ADARB2: variants seen among roughly 807,000 people sequenced by gnomAD.
The protein encoded by ADARB2 is inactive double-stranded RNA-specific editase B2.
A neutral mutation model predicts 62.2 loss-of-function variants in ADARB2; 25 were observed. The observed-to-expected ratio is 0.40, with a 90% CI of 0.29 to 0.56. ADARB2 has a LOEUF of 0.56. ADARB2 is among the 20% of genes least tolerant of loss of function. The pLI, the probability that ADARB2 is intolerant of heterozygous loss-of-function variation, is 0.43. For missense variants in ADARB2, 1,071 were observed against 1,077.4 expected, an observed-to-expected ratio of 0.99 and a Z score of 0.08; for synonymous variants, 572 against 500.8, an observed-to-expected ratio of 1.14 and a Z score of -1.90.
chr10:1,637,005 T>C (rs190291008), intron 1 of ADARB2, among the ~76,000 whole-genome samples: 4 of 152,034 alleles, frequency 2.6e-5, no homozygotes, highest in Non-Finnish European at 4.4e-5. Context: ...AATAACAGTC[T>C]TTCTTTTTTT....
intron 6 of ADARB2, among the ~76,000 whole-genome samples, chr10:1,220,114 ATGG>A (rs1275566688): frequency 2.6e-5 from 3 of 113,924 alleles, no homozygotes; most frequent in Non-Finnish European, 5.4e-5. Flanking sequence ...GGTGGTGATG[ATGG>A]TGATGATGGT....
At chr10:1,230,412 T>C (rs113744841) in intron 6 of ADARB2, among the ~76,000 whole-genome samples, 121 of 152,302 alleles carry the variant, frequency 7.9e-4, no homozygotes, top group African/African-American at 2.6e-3. Context: ...GACACTGCCC[T>C]TGGCTAGCCC....
chr10:1,317,120 A>T (rs187653598), intron 3 of ADARB2, among the ~76,000 whole-genome samples: 1 of 152,276 alleles, frequency 6.6e-6, no homozygotes, highest in East Asian at 1.9e-4. Context: ...CCCTTCCTGT[A>T]TGTTTTTGCT....
intron 5 of ADARB2, among the ~76,000 whole-genome samples, chr10:1,234,771 G>C (rs1302260381): frequency 1.3e-5 from 1 of 76,364 alleles, no homozygotes; most frequent in Non-Finnish European, 2.5e-5. Flanking sequence ...TTTTTTTTGT[G>C]ACGGAGTCTT....
At chr10:1,691,915 G>C (rs1176021584) in intron 1 of ADARB2, among the ~76,000 whole-genome samples, 1 of 152,118 alleles carries the variant, frequency 6.6e-6, no homozygotes, top group Non-Finnish European at 1.5e-5. Context: ...GTGTGTGTGT[G>C]TGTGTGCACG....
At chr10:1,297,068 A>G (rs1831529890) in intron 3 of ADARB2, among the ~76,000 whole-genome samples, 1 of 152,256 alleles carries the variant, frequency 6.6e-6, no homozygotes, top group Non-Finnish European at 1.5e-5. Context: ...CCTGGATTCA[A>G]TAGTATCCTC....
chr10:1,265,965 C>T (rs926997845), intron 4 of ADARB2, among the ~76,000 whole-genome samples: 10 of 132,094 alleles, frequency 7.6e-5, no homozygotes, highest in East Asian at 2.4e-4. Flanking sequence ...GGCCCAGACT[C>T]TCCCGGAAGA....
At chr10:1,298,580 AG>A (rs983897378) in intron 3 of ADARB2, among the ~76,000 whole-genome samples, 3 of 152,190 alleles carry the variant, frequency 2.0e-5, no homozygotes, top group Admixed American at 6.5e-5. Context: ...GAGGCAAGGA[AG>A]GGCCTCTTTT....
At chr10:1,722,139 C>T (rs1835101088) in intron 1 of ADARB2, among the ~76,000 whole-genome samples, 2 of 151,842 alleles carry the variant, frequency 1.3e-5, no homozygotes, top group Non-Finnish European at 2.9e-5. Flanking sequence ...TCACTGTAAA[C>T]CCTTCGTTAC....
intron 1 of ADARB2, among the ~76,000 whole-genome samples, chr10:1,723,259 C>T (rs1267720803): frequency 6.6e-6 from 1 of 152,224 alleles, no homozygotes; most frequent in Non-Finnish European, 1.5e-5. Flanking sequence ...TGGCGATTCG[C>T]TCTACATTGC....
At chr10:1,326,750 C>T (rs1251996428) in intron 3 of ADARB2, among the ~76,000 whole-genome samples, 6 of 151,046 alleles carry the variant, frequency 4.0e-5, no homozygotes, top group Admixed American at 6.6e-5. Flanking sequence ...CGCCTCCCGA[C>T]GGCACGGCGC....
intron 3 of ADARB2, among the ~76,000 whole-genome samples, chr10:1,359,852 C>A (rs1334770147): frequency 1.3e-5 from 2 of 152,270 alleles, no homozygotes; most frequent in African/African-American, 4.8e-5. Context: ...CCTTGAGAAC[C>A]TACTGGGTTC....
intron 2 of ADARB2, among the ~76,000 whole-genome samples, chr10:1,375,902 A>G (rs1371960687): frequency 6.6e-6 from 1 of 150,398 alleles, no homozygotes; most frequent in African/African-American, 2.5e-5. Flanking sequence ...ACACACGTGC[A>G]CATACCACAC....
intron 1 of ADARB2, among the ~76,000 whole-genome samples, chr10:1,553,633 C>G (rs1174325463): frequency 6.6e-6 from 1 of 152,324 alleles, no homozygotes. Context: ...GGCTTCTTCT[C>G]TGTTTGATTT....
intron 5 of ADARB2, among the ~76,000 whole-genome samples, chr10:1,234,291 C>T (rs932933736): frequency 6.6e-6 from 1 of 151,656 alleles, no homozygotes; most frequent in African/African-American, 2.4e-5. Context: ...GCCTGGCCCC[C>T]AAGTTTCTCC....
chr10:1,314,813 C>G (rs1185359438), intron 3 of ADARB2, among the ~76,000 whole-genome samples: 2 of 152,182 alleles, frequency 1.3e-5, no homozygotes, highest in Non-Finnish European at 2.9e-5. Context: ...AGGAACATGG[C>G]CTCGGATGCC....
At chr10:1,557,204 A>G (rs913753051) in intron 1 of ADARB2, among the ~76,000 whole-genome samples, 1 of 148,360 alleles carries the variant, frequency 6.7e-6, no homozygotes, top group African/African-American at 2.5e-5. Context: ...CACTGTGTCC[A>G]GTCCATGGTG....
chr10:1,709,061 T>C (rs1265018929), intron 1 of ADARB2, among the ~76,000 whole-genome samples: 2 of 152,188 alleles, frequency 1.3e-5, no homozygotes, highest in African/African-American at 4.8e-5. Flanking sequence ...GCCTCCATGC[T>C]GACCCCATTG....
At chr10:1,678,026 C>A (rs1834488595) in intron 1 of ADARB2, 1 of 319,194 alleles carries the variant, frequency 3.1e-6, no homozygotes, top group Non-Finnish European at 4.5e-6. Context: ...ATTCTGACAT[C>A]CAGGAGACAC....
Sources: allele counts gnomAD v4.1 joint callset (sites outside exome capture counted in the v4.1 genomes callset), GRCh38; gene constraint gnomAD v4.1.1; transcripts MANE v1.5; gene names NCBI Gene and HGNC (gene_info 2026-07-23, HGNC 2026-07-21).